The following SUCLG2 variants were observed in gnomAD, a reference collection of about 807,000 sequenced individuals.
SUCLG2 encodes succinate-CoA ligase GDP-forming subunit beta.
Under a neutral mutation model 47.9 loss-of-function variants are expected in SUCLG2, and 42 were observed. That is an observed-to-expected ratio of 0.88 (90% CI 0.69 to 1.14). The LOEUF is 1.14. SUCLG2 is among the 50% of genes most tolerant of loss of function. The pLI, the probability that SUCLG2 is intolerant of heterozygous loss-of-function variation, is 0.00. For synonymous variants in SUCLG2, 195 were observed against 197.3 expected (o/e 0.99, Z 0.10); for missense variants, 571 against 525.9 (o/e 1.09, Z -0.84).
chr3:67,397,016 C>T (rs573037194), intron 10 of SUCLG2, among the ~76,000 whole-genome samples: 1,513 of 151,128 alleles, frequency 0.01, 27 homozygotes, highest in African/African-American at 0.034. Flanking sequence ...ATTGATGGGA[C>T]GTATCTCAAA....
intron 10 of SUCLG2, among the ~76,000 whole-genome samples, chr3:67,362,520 TG>T (rs1225298255): frequency 3.3e-5 from 5 of 152,064 alleles, no homozygotes; most frequent in Admixed American, 1.3e-4. Context: ...CTAATTTTTT[TG>T]TGTGTGTGTG....
At chr3:67,415,005 AC>A (rs1382461442) in intron 9 of SUCLG2, among the ~76,000 whole-genome samples, 2 of 152,128 alleles carry the variant, frequency 1.3e-5, no homozygotes, top group African/African-American at 4.8e-5. Flanking sequence ...GGCATCTGCC[AC>A]ATGCCCAGCT....
chr3:67,508,503 C>T (rs904830219), intron 7 of SUCLG2, among the ~76,000 whole-genome samples: 9 of 152,128 alleles, frequency 5.9e-5, no homozygotes, highest in Non-Finnish European at 1.3e-4. Flanking sequence ...GTCTTGGCCT[C>T]AAGTGATCCT....
At chr3:67,400,900 G>C in intron 9 of SUCLG2, 49 bp from the exon 10 acceptor site, 1 of 1,607,280 alleles carries the variant, frequency 6.2e-7, no homozygotes, top group Non-Finnish European at 8.5e-7. Flanking sequence ...ATCGCCAACA[G>C]TCTCAAAAAT....
chr3:67,647,787 G>T (rs897435688), intron 1 of SUCLG2, among the ~76,000 whole-genome samples: 2 of 152,156 alleles, frequency 1.3e-5, no homozygotes, highest in Non-Finnish European at 2.9e-5. Context: ...GATAATCAGA[G>T]CCCGGGAGGC....
chr3:67,626,765 T>C (rs1193648765), intron 1 of SUCLG2, among the ~76,000 whole-genome samples: 1 of 151,740 alleles, frequency 6.6e-6, no homozygotes, highest in Non-Finnish European at 1.5e-5. Context: ...ATACAAAAAA[T>C]TAGCTGGGCG....
chr3:67,463,142 G>C (rs907528331), intron 9 of SUCLG2, among the ~76,000 whole-genome samples: 7 of 152,140 alleles, frequency 4.6e-5, no homozygotes, highest in African/African-American at 1.7e-4. Context: ...AGAAAAATAG[G>C]GGATGAAGTA....
chr3:67,533,461 C>T (rs1481520610), intron 2 of SUCLG2, among the ~76,000 whole-genome samples: 1 of 152,160 alleles, frequency 6.6e-6, no homozygotes, highest in Non-Finnish European at 1.5e-5. Context: ...TAATATGTAG[C>T]ATGGCAATCA....
intron 2 of SUCLG2, among the ~76,000 whole-genome samples, chr3:67,580,914 A>T (rs186265589): frequency 6.6e-6 from 1 of 152,204 alleles, no homozygotes; most frequent in Non-Finnish European, 1.5e-5. Flanking sequence ...AAAACATGCA[A>T]TCATCCTAAA....
intron 1 of SUCLG2, among the ~76,000 whole-genome samples, chr3:67,636,638 C>A (rs1701015643): frequency 6.6e-6 from 1 of 151,978 alleles, no homozygotes; most frequent in East Asian, 1.9e-4. Context: ...AGGCGTGAGC[C>A]ACTGCACCCA....
intron 2 of SUCLG2, among the ~76,000 whole-genome samples, chr3:67,562,971 A>AT (rs897122752): frequency 1.3e-4 from 20 of 151,644 alleles, no homozygotes; most frequent in Admixed American, 6.6e-4. Context: ...TAATTTACAC[A>AT]TTTTTCATTT....
intron 1 of SUCLG2, among the ~76,000 whole-genome samples, chr3:67,638,637 T>C (rs1701047716): frequency 6.6e-6 from 1 of 152,126 alleles, no homozygotes; most frequent in Non-Finnish European, 1.5e-5. Flanking sequence ...CAGAAATAAA[T>C]CAATTCAATG....
chr3:67,515,354 C>T (rs1455792046), intron 6 of SUCLG2, among the ~76,000 whole-genome samples: 1 of 152,130 alleles, frequency 6.6e-6, no homozygotes, highest in Non-Finnish European at 1.5e-5. Flanking sequence ...TAAGGGGGAA[C>T]TACTATATTA....
chr3:67,374,116 A>C (rs1559635589), downstream of SUCLG2, among the ~76,000 whole-genome samples: 1 of 152,010 alleles, frequency 6.6e-6, no homozygotes, highest in East Asian at 1.9e-4. Context: ...AATATAGGTT[A>C]TTTTTTTTAC....
At chr3:67,368,520 T>C (rs1241078407) in intron 10 of SUCLG2, among the ~76,000 whole-genome samples, 1 of 152,162 alleles carries the variant, frequency 6.6e-6, no homozygotes, top group Non-Finnish European at 1.5e-5. Flanking sequence ...TTAATTTCTT[T>C]ATTTCCCCCT....
At chr3:67,642,118 C>T (rs1214124732) in intron 1 of SUCLG2, among the ~76,000 whole-genome samples, 1 of 152,098 alleles carries the variant, frequency 6.6e-6, no homozygotes, top group Non-Finnish European at 1.5e-5. Flanking sequence ...AATCAAATTA[C>T]ATTAGGTCAC....
At chr3:67,519,042 G>T (rs1405656141) in intron 5 of SUCLG2, among the ~76,000 whole-genome samples, 2 of 151,794 alleles carry the variant, frequency 1.3e-5, no homozygotes. Flanking sequence ...TTCATTCAAG[G>T]TCGTTTTGTT....
rs754401396 is a variant in SUCLG2, at chr3:67,465,635, C to T, written c.1062+30163G>A. On this transcript the variant is annotated intron_variant, in intron 9 of 10. Coordinates refer to ENST00000307227, the MANE Select transcript of SUCLG2 (RefSeq NM_003848.4). ...TCCCAGCCGAGTAGGGGCATCCAAT[C>T]TTCCTTCCCTCTCTCCTTCACTCAG... is the stretch of plus-strand genomic sequence containing the variant. Among the ~76,000 whole-genome samples the T allele has an allele frequency of 7.2e-4, 109 of 152,182 alleles. 2 individuals are homozygous for T. Among genetic ancestry groups the T allele is most frequent in the Non-Finnish European group, 2.2e-4 (15 of 68,028 alleles).
At chr3:67,501,007 T>A (rs1297977446) in intron 7 of SUCLG2, among the ~76,000 whole-genome samples, 2 of 152,190 alleles carry the variant, frequency 1.3e-5, no homozygotes, top group Non-Finnish European at 2.9e-5. Flanking sequence ...TTCTGTGGTA[T>A]GACGTTCTCT....
Sources: gnomAD v4.1 joint callset for allele counts (sites outside exome capture counted in the v4.1 genomes callset) on GRCh38, gnomAD v4.1.1 for gene constraint, MANE v1.5 for transcripts, NCBI Gene and HGNC (gene_info 2026-07-23, HGNC 2026-07-21) for gene names.